SRPK2: variants seen among roughly 807,000 people sequenced by gnomAD.
The protein encoded by SRPK2 is SFRS protein kinase 2.
In SRPK2, 21 loss-of-function variants were observed where a neutral mutation model predicts 90.8. The ratio of observed to expected loss-of-function variants is 0.23; its 90% CI spans 0.16 to 0.33. The LOEUF is 0.33. Among genes scored for constraint, SRPK2 ranks in the 10% least tolerant of loss-of-function variants. The probability of loss-of-function intolerance (pLI) is 1.00; values close to 1 mark genes in which losing one functional copy is unlikely to be tolerated. For synonymous variants in SRPK2, 288 were observed against 311.1 expected, an observed-to-expected ratio of 0.93 and a Z score of 0.78; for missense variants, 620 against 869.0, an observed-to-expected ratio of 0.71 and a Z score of 3.60.
At chr7:105,156,267 C>T (rs1354524153) in intron 7 of SRPK2, among the ~76,000 whole-genome samples, 3 of 152,178 alleles carry the variant, frequency 2.0e-5, no homozygotes, top group Admixed American at 6.5e-5. Context: ...ACTTTTTAAG[C>T]GACTTCCTAA....
intron 2 of SRPK2, among the ~76,000 whole-genome samples, chr7:105,213,514 A>G (rs1376113829): frequency 7.8e-6 from 1 of 127,970 alleles, no homozygotes; most frequent in Admixed American, 7.8e-5. Context: ...CGAAGAACAA[A>G]GTTAAACAAG....
chr7:105,220,543 T>G (rs1345823405), intron 2 of SRPK2, among the ~76,000 whole-genome samples: 2 of 152,038 alleles, frequency 1.3e-5, no homozygotes, highest in Non-Finnish European at 1.5e-5. Context: ...AAAAAAGAGT[T>G]AATACAAGTG....
chr7:105,233,724 G>C (rs1799798882), intron 2 of SRPK2, among the ~76,000 whole-genome samples: 1 of 152,094 alleles, frequency 6.6e-6, no homozygotes, highest in Admixed American at 6.6e-5. Context: ...GCCAGGCATG[G>C]TGGTGTGCAC....
At chr7:105,347,130 G>C (rs1816559851) in intron 2 of SRPK2, among the ~76,000 whole-genome samples, 1 of 151,368 alleles carries the variant, frequency 6.6e-6, no homozygotes, top group East Asian at 1.9e-4. Context: ...CATGATCATG[G>C]CTCACTGAAA....
chr7:105,290,831 G>T (rs1446103859), intron 2 of SRPK2, among the ~76,000 whole-genome samples: 1 of 150,274 alleles, frequency 6.7e-6, no homozygotes, highest in African/African-American at 2.4e-5. Context: ...GAGGTCAGAA[G>T]ATCGAGACCA....
At chr7:105,200,465 T>C (rs1450757137) in intron 3 of SRPK2, among the ~76,000 whole-genome samples, 2 of 152,070 alleles carry the variant, frequency 1.3e-5, no homozygotes, top group Non-Finnish European at 2.9e-5. Context: ...CAGAGATCCA[T>C]GAATTTATCA....
intron 2 of SRPK2, among the ~76,000 whole-genome samples, chr7:105,373,134 C>A (rs1164185082): frequency 6.6e-6 from 1 of 152,014 alleles, no homozygotes; most frequent in Non-Finnish European, 1.5e-5. Flanking sequence ...ACAAACAGAG[C>A]AAGACAAAAC....
intron 2 of SRPK2, among the ~76,000 whole-genome samples, chr7:105,230,044 G>A (rs1799234271): frequency 2.0e-5 from 3 of 152,216 alleles, no homozygotes; most frequent in South Asian, 4.1e-4. Flanking sequence ...TTTGTAAAAG[G>A]AGAATCAGTG....
intron 11 of SRPK2, among the ~76,000 whole-genome samples, chr7:105,137,140 G>C (rs1351738141): frequency 2.6e-5 from 4 of 152,168 alleles, no homozygotes; most frequent in Non-Finnish European, 5.9e-5. Context: ...TGAGGCAAAG[G>C]ACACGGGAAG....
intron 2 of SRPK2, among the ~76,000 whole-genome samples, chr7:105,257,042 T>C (rs1046055924): frequency 7.2e-5 from 11 of 152,354 alleles, no homozygotes; most frequent in African/African-American, 2.4e-4. Flanking sequence ...GAACAAATTA[T>C]GCCAGGGGCC....
At chr7:105,348,362 C>T (rs1048136510) in intron 2 of SRPK2, among the ~76,000 whole-genome samples, 43 of 151,212 alleles carry the variant, frequency 2.8e-4, no homozygotes, top group African/African-American at 7.8e-4. Flanking sequence ...TGAGTCACCG[C>T]GCACAGCAGT....
chr7:105,386,278 C>CCCT (rs1437420233), intron 2 of SRPK2, among the ~76,000 whole-genome samples: 1 of 147,122 alleles, frequency 6.8e-6, no homozygotes, highest in Non-Finnish European at 1.5e-5. Context: ...CGCGCCACTG[C>CCCT]CCTCCAGCCT....
intron 3 of SRPK2, among the ~76,000 whole-genome samples, chr7:105,196,348 G>C (rs1447123453): frequency 6.6e-6 from 1 of 152,134 alleles, no homozygotes; most frequent in Non-Finnish European, 1.5e-5. Context: ...TCTATCAAAA[G>C]GAACAGAAAG....
At chr7:105,332,464 A>G (rs745736243) in intron 2 of SRPK2, among the ~76,000 whole-genome samples, 28 of 152,188 alleles carry the variant, frequency 1.8e-4, no homozygotes, top group Non-Finnish European at 3.7e-4. Context: ...TATTTAAAAA[A>G]TAAGTGCTCA....
intron 1 of SRPK2, among the ~76,000 whole-genome samples, chr7:105,394,915 A>G (rs530895754): frequency 6.6e-6 from 1 of 152,368 alleles, no homozygotes; most frequent in South Asian, 2.1e-4. Flanking sequence ...TTACGCCTGT[A>G]ATCCCAGCCC....
At chr7:105,211,651 C>G (rs1796877494) in intron 2 of SRPK2, among the ~76,000 whole-genome samples, 1 of 152,140 alleles carries the variant, frequency 6.6e-6, no homozygotes, top group South Asian at 2.1e-4. Context: ...AAGTGGAAAT[C>G]TACCCCCATG....
At position 105,116,979 on chromosome 7, in the gene SRPK2, AGC is replaced by A. The variant is rs1269583586; in HGVS notation, c.*857_*858del. The A allele has an allele frequency of 2.0e-5, 3 of 152,348 alleles. No homozygotes were observed. In the East Asian group the frequency reaches 5.8e-4, roughly 29 times the overall value. The allele number at this position is 152,348 out of a possible 1,614,324, so 9.4% of individuals were successfully genotyped here. The stretch of plus-strand genomic sequence containing the variant: ...TTAATCTATGTAGAGCTTAACTTAC[AGC>A]GCCCAGAGGAGGCAACATGACATGG... On this transcript the variant is annotated 3_prime_UTR_variant, in exon 16 of 16. Coordinates refer to ENST00000393651, the MANE Select transcript of SRPK2 (RefSeq NM_182692.3).
At chr7:105,370,938 T>C (rs1009110494) in intron 2 of SRPK2, among the ~76,000 whole-genome samples, 27 of 152,082 alleles carry the variant, frequency 1.8e-4, no homozygotes, top group Non-Finnish European at 4.4e-5. Flanking sequence ...TTAAACTTAC[T>C]AGCAAAGCTT....
At chr7:105,332,326 G>C (rs1407928720) in intron 2 of SRPK2, among the ~76,000 whole-genome samples, 1 of 152,144 alleles carries the variant, frequency 6.6e-6, no homozygotes, top group Non-Finnish European at 1.5e-5. Flanking sequence ...TGAAAATAAT[G>C]ATAGAAACTA....
Sources: allele counts gnomAD v4.1 joint callset (sites outside exome capture counted in the v4.1 genomes callset), GRCh38; gene constraint gnomAD v4.1.1; transcripts MANE v1.5; gene names NCBI Gene and HGNC (gene_info 2026-07-23, HGNC 2026-07-21).